Variants in QNG1 observed in about 807,000 individuals in gnomAD.
QNG1 encodes queuosine 5'-phosphate N-glycosylase/hydrolase.
the QNG1 span, chr9:83,955,725 T>C: frequency 3.1e-6 from 4 of 1,272,068 alleles, no homozygotes; most frequent in Admixed American, 4.1e-5. Context: ...GGAATTAATA[T>C]GAAACCAAAT....
At chr9:83,944,028 C>CAAACAAACAAAA in the QNG1 span, among the ~76,000 whole-genome samples, 2 of 149,838 alleles carry the variant, frequency 1.3e-5, no homozygotes, top group African/African-American at 4.9e-5. Context: ...CTCAAACAAA[C>CAAACAAACAAAA]AAACATAAAG....
At chr9:83,951,536 G>A in the QNG1 span, among the ~76,000 whole-genome samples, 3 of 152,150 alleles carry the variant, frequency 2.0e-5, no homozygotes, top group African/African-American at 7.2e-5. Flanking sequence ...ACTGCAGCCT[G>A]GGTGACAGCG....
chr9:83,938,616 T>C, the QNG1 span: 5 of 151,884 alleles, frequency 3.3e-5, no homozygotes, highest in African/African-American at 1.2e-4. Context: ...TTTTGGGAAA[T>C]TTAAATAAAA....
At chr9:83,948,218 G>GCTCA in the QNG1 span, among the ~76,000 whole-genome samples, 4 of 149,104 alleles carry the variant, frequency 2.7e-5, no homozygotes, top group African/African-American at 9.9e-5. Context: ...CCGTCTGGGA[G>GCTCA]GTGAGGAGCG....
the QNG1 span, among the ~76,000 whole-genome samples, chr9:83,954,274 T>C: frequency 7.2e-5 from 11 of 152,104 alleles, no homozygotes; most frequent in Admixed American, 7.2e-4. Context: ...GTACTAAAAA[T>C]ACTTAATTTT....
chr9:83,939,924 T>C, the QNG1 span, among the ~76,000 whole-genome samples: 1 of 152,338 alleles, frequency 6.6e-6, no homozygotes, highest in East Asian at 1.9e-4. Context: ...AATTACAAGT[T>C]AAATTCCACA....
chr9:83,956,579 C>A, the QNG1 span: 3 of 1,240,350 alleles, frequency 2.4e-6, no homozygotes, highest in Admixed American at 2.5e-5. Flanking sequence ...TGCGCTACTA[C>A]GAACCGCGCG....
the QNG1 span, among the ~76,000 whole-genome samples, chr9:83,947,952 G>C: frequency 2.0e-5 from 3 of 151,998 alleles, no homozygotes; most frequent in Non-Finnish European, 2.9e-5. Flanking sequence ...GGGAAGTGAG[G>C]AGCGTCTCTG....
the QNG1 span, among the ~76,000 whole-genome samples, chr9:83,942,703 A>G: frequency 1.3e-5 from 2 of 152,358 alleles, no homozygotes; most frequent in South Asian, 2.1e-4. Flanking sequence ...TACCTTTTGG[A>G]AAACAAAATC....
the QNG1 span, among the ~76,000 whole-genome samples, chr9:83,954,682 C>A: frequency 6.6e-6 from 1 of 151,632 alleles, no homozygotes; most frequent in Non-Finnish European, 1.5e-5. Flanking sequence ...GAATTCAAGA[C>A]CAGCCTGGCC....
chr9:83,943,168 C>T, the QNG1 span, among the ~76,000 whole-genome samples: 42 of 151,626 alleles, frequency 2.8e-4, 1 homozygote, highest in African/African-American at 9.4e-4. Flanking sequence ...GGTGAAACCC[C>T]GTCTCTACTC....
the QNG1 span, among the ~76,000 whole-genome samples, chr9:83,950,049 ATTTT>A: frequency 1.5e-5 from 2 of 136,970 alleles, no homozygotes; most frequent in Non-Finnish European, 1.6e-5. Context: ...ACATTTTCCT[ATTTT>A]TTTTTTTTTT....
chr9:83,954,895 A>G, the QNG1 span, among the ~76,000 whole-genome samples: 1 of 148,330 alleles, frequency 6.7e-6, no homozygotes, highest in Non-Finnish European at 1.5e-5. Flanking sequence ...AAAAAAAAAA[A>G]AAAAAAAAAG....
At chr9:83,956,305 T>C in the QNG1 span, 1 of 1,614,136 alleles carries the variant, frequency 6.2e-7, no homozygotes, top group Non-Finnish European at 8.5e-7. Flanking sequence ...AACACCCAGT[T>C]GACCGCGGCC....
chr9:83,939,257 G>C, the QNG1 span: 1 of 376,704 alleles, frequency 2.7e-6, no homozygotes, highest in Admixed American at 4.2e-5. Flanking sequence ...ATTTTTAGTA[G>C]AGATGGGGTT....
the QNG1 span, chr9:83,939,344 T>TAAACC: frequency 1.7e-6 from 1 of 592,340 alleles, no homozygotes; most frequent in South Asian, 2.0e-5. Context: ...AGTGCTGGGA[T>TAAACC]TACAGGCATA....
chr9:83,955,497 CCAG>C, the QNG1 span: 1 of 1,614,170 alleles, frequency 6.2e-7, no homozygotes, highest in Non-Finnish European at 8.5e-7. Flanking sequence ...CCAAACTTCT[CCAG>C]CAGAATTTTC....
the QNG1 span, chr9:83,939,690 G>T: frequency 6.2e-7 from 1 of 1,614,106 alleles, no homozygotes; most frequent in South Asian, 1.1e-5. Flanking sequence ...ACACACCAAA[G>T]CGAGCACCCT....
At chr9:83,943,331 C>CAAAAAAAAA in the QNG1 span, among the ~76,000 whole-genome samples, 47 of 62,518 alleles carry the variant, frequency 7.5e-4, no homozygotes, top group African/African-American at 2.2e-3. Context: ...CAGAGCGTCT[C>CAAAAAAAAA]AAAAAAAAAA....
Sources: gnomAD v4.1 joint callset for allele counts (sites outside exome capture counted in the v4.1 genomes callset) on GRCh38, gnomAD v4.1.1 for gene constraint, MANE v1.5 for transcripts, NCBI Gene and HGNC (gene_info 2026-07-23, HGNC 2026-07-21) for gene names.